HOXD3: variants seen among roughly 807,000 people sequenced by gnomAD.
HOXD3 encodes the protein homeobox D3, also known as homeobox protein Hox-D3.
Under a neutral mutation model 32.8 loss-of-function variants are expected in HOXD3, and 13 were observed. That is an observed-to-expected ratio of 0.40 (90% CI 0.26 to 0.63). The LOEUF (loss-of-function observed/expected upper bound fraction) is 0.63, where lower values mean the gene tolerates loss of function less well. Among genes scored for constraint, HOXD3 ranks in the 20% least tolerant of loss-of-function variants. The pLI, the probability that HOXD3 is intolerant of heterozygous loss-of-function variation, is 0.44. For missense variants in HOXD3, 504 were observed against 577.1 expected (o/e 0.87, Z 1.30); for synonymous variants, 241 against 246.8 (o/e 0.98, Z 0.22).
At chr2:176,164,883 A>G (rs1690913492) in intron 2 of HOXD3, 1 of 152,194 alleles carries the variant, frequency 6.6e-6, no homozygotes, top group Admixed American at 6.5e-5. Context: ...CCACCGGCGT[A>G]CAAGCAAGTG....
Position 176,169,044 on chromosome 2 carries a change from T to TG in HOXD3, c.-66dup. ...TTCTTCTGACAGGTCACCTGGAGCC[T>TG]GGGGGCCGGCCCAGCTCTCTCAGGA... On this transcript the variant is annotated 5_prime_UTR_variant, in exon 3 of 4. Transcript: ENST00000683222. 6.6e-7 allele frequency: 1 copy of TG among 1,521,750 alleles called. No homozygotes were observed. Among genetic ancestry groups the TG allele is most frequent in the South Asian group, 1.3e-5 (1 of 75,174 alleles). 94.3% of individuals were successfully genotyped at this position (1,521,750 alleles called of 1,614,324 possible). A position where few individuals can be genotyped will look rare whatever the true frequency, so the allele number is the denominator to read the frequency against.
Position 176,169,615 on chromosome 2 carries a change from T to C in HOXD3, c.501T>C (p.Ser167=). 4 of 1,610,528 alleles carry C rather than the reference T, an allele frequency of 2.5e-6. No individual in the cohort carries two copies. The highest frequency in any genetic ancestry group is 8.5e-7 in the Non-Finnish European group (1 of 1,178,006). ...SKQIFPWMKE[S]RQNSKQKNSC... Reference sequence around the variant, plus strand: ...AGATCTTCCCCTGGATGAAAGAGTCTCGACAGAACTCCAAGCAGAAGAACA... The same window carrying C: ...AGATCTTCCCCTGGATGAAAGAGTCCCGACAGAACTCCAAGCAGAAGAACA... The change falls in exon 3 of 4, where the codon TCT becomes TCC. Residue 167 remains serine, a synonymous_variant. Transcript: ENST00000683222.
chr2:176,157,663 T>G (rs889136442), intron 1 of HOXD3, among the ~76,000 whole-genome samples: 1 of 151,984 alleles, frequency 6.6e-6, no homozygotes, highest in Non-Finnish European at 1.5e-5. Flanking sequence ...TGTGTGTGCG[T>G]GCGTCCGCGC....
intron 1 of HOXD3, among the ~76,000 whole-genome samples, chr2:176,158,261 A>C (rs1020069973): frequency 6.6e-6 from 1 of 152,144 alleles, no homozygotes; most frequent in African/African-American, 2.4e-5. Flanking sequence ...TGGGGAAAGG[A>C]GGATGGGGGA....
At chr2:176,163,100 G>T (rs978650546) in intron 1 of HOXD3, among the ~76,000 whole-genome samples, 1 of 152,184 alleles carries the variant, frequency 6.6e-6, no homozygotes, top group African/African-American at 2.4e-5. Context: ...GAAGTTAGGA[G>T]CCCTACCGGG....
At chr2:176,156,585 T>C (rs576879225), upstream of HOXD3, among the ~76,000 whole-genome samples, 1 of 152,210 alleles carries the variant, frequency 6.6e-6, no homozygotes, top group Admixed American at 6.5e-5. Flanking sequence ...GCCTCCACTC[T>C]TGGGCTTCTA....
At chr2:176,152,843 G>GTCCTCATCTTCC (rs758273278), upstream of HOXD3, 6 of 1,614,170 alleles carry the variant, frequency 3.7e-6, no homozygotes, top group South Asian at 6.6e-5. This position sits in a 1 kb window ranked among gnomAD's most constrained non-coding sequence, Gnocchi z 5.2. Context: ...GCAGGTCATC[G>GTCCTCATCTTCC]TCCTCATCTT....
intron 1 of HOXD3, among the ~76,000 whole-genome samples, chr2:176,158,315 C>T (rs1690693557): frequency 6.6e-6 from 1 of 152,304 alleles, no homozygotes; most frequent in African/African-American, 2.4e-5. Context: ...TGCTCGCTCC[C>T]GTTTCTGCCT....
intron 1 of HOXD3, among the ~76,000 whole-genome samples, chr2:176,159,359 G>C (rs754557269): frequency 3.9e-5 from 6 of 152,208 alleles, no homozygotes; most frequent in Non-Finnish European, 8.8e-5. Flanking sequence ...CGGGCCTCCA[G>C]GACATTCCTG....
In HOXD3 at chr2:176,167,686, CTTTTTTTTTTT is replaced by C. The variant is rs56761217; in HGVS notation, c.-84-1326_-84-1316del. ...TTTTGAAACCAGGTGGGGGGAGACC[CTTTTTTTTTTT>C]TTTTTTTTTTTTTTTTTTAAGTTCT... is the stretch of plus-strand genomic sequence containing the variant. On this transcript the variant is annotated intron_variant, in intron 2 of 3. Transcript: ENST00000683222. Among the ~76,000 whole-genome samples, 683 of 108,896 alleles carry C rather than the reference CTTTTTTTTTTT, an allele frequency of 6.3e-3. 5 individuals carry two copies. The highest frequency in any genetic ancestry group is 0.02 in the African/African-American group (560 of 28,642). 71.4% of individuals were successfully genotyped at this position (108,896 alleles called of 152,430 possible).
At chr2:176,159,493 C>G (rs558655269) in intron 1 of HOXD3, among the ~76,000 whole-genome samples, 24 of 152,322 alleles carry the variant, frequency 1.6e-4, no homozygotes, top group Non-Finnish European at 3.2e-4. Context: ...GTGCCTGATG[C>G]CGCTGAGCAG....
Position 176,171,773 on chromosome 2 carries a change from C to G in HOXD3, c.798C>G (p.Ser266=), listed in dbSNP as rs376325506. 3 of 1,613,852 alleles carry G rather than the reference C, an allele frequency of 1.9e-6. No individual in the cohort carries two copies. The highest frequency in any genetic ancestry group is 2.7e-5 in the African/African-American group (2 of 74,930). ...TCCTGCACTCGCCGGCTAGCCAGTC[C>G]CCTGAGCGCAGCCCACCGCTCGGCG... The part of the protein sequence containing the change: ...KGILHSPASQ[S]PERSPPLGGA... Residue 266 remains serine (S), a synonymous_variant, in exon 4 of 4, where the codon TCC becomes TCG. Coordinates refer to ENST00000683222, the MANE Select transcript of HOXD3 (RefSeq NM_006898.5).
rs1691097999 is a variant in HOXD3, at chr2:176,169,330, C to T, written c.216C>T (p.Ser72=). ...DYPGSACSIQ[S]SAPLRAPAHK... ...CAGGTTCTGCCTGCTCCATCCAGAG[C>T]TCTGCCCCTCTGAGAGCCCCAGCCC... Residue 72 remains serine, a synonymous_variant, in exon 3 of 4, where the codon AGC becomes AGT. Coordinates refer to ENST00000683222, the MANE Select transcript of HOXD3 (RefSeq NM_006898.5). 3 of 1,614,106 alleles carry T rather than the reference C, an allele frequency of 1.9e-6. No homozygotes were observed. In the East Asian group the frequency reaches 6.7e-5, roughly 36 times the overall value.
At position 176,169,295 on chromosome 2, in the gene HOXD3, A is replaced by C. The variant is rs1261111802; in HGVS notation, c.181A>C (p.Thr61Pro). 6.2e-7 allele frequency: 1 copy of C among 1,613,522 alleles called. No homozygotes were observed. Among genetic ancestry groups the C allele is most frequent in the East Asian group, 2.2e-5 (1 of 44,834 alleles). Reference protein sequence around the residue: ...PPPAAASSLDTDYPGSACSIQ... With the variant: ...PPPAAASSLDPDYPGSACSIQ... ...CCCTGCTGCTGCCAGCTCCCTGGAC[A>C]CTGACTATCCAGGTTCTGCCTGCTC... Residue 61 changes from threonine (T) to proline (P), a missense_variant, in exon 3 of 4, where the codon ACT becomes CCT. Around this residue, in one of 3 missense-constraint regions of HOXD3, gnomAD observed 181 missense variants for 172.2 expected, o/e 1.05. Coordinates refer to ENST00000683222, the MANE Select transcript of HOXD3 (RefSeq NM_006898.5).
chr2:176,155,912 ACTGT>A (rs1208322633), upstream of HOXD3, among the ~76,000 whole-genome samples: 3 of 152,148 alleles, frequency 2.0e-5, no homozygotes, highest in East Asian at 1.9e-4. Flanking sequence ...GGGAGATGAC[ACTGT>A]CAGTCAGCCC....
Position 176,169,337 on chromosome 2 carries a change from C to A in HOXD3, c.223C>A (p.Pro75Thr). The A allele has an allele frequency of 6.2e-7, 1 of 1,614,062 alleles. No homozygotes were observed. The highest frequency in any genetic ancestry group is 8.5e-7 in the Non-Finnish European group (1 of 1,180,000). ...TGCCTGCTCCATCCAGAGCTCTGCC[C>A]CTCTGAGAGCCCCAGCCCACAAAGG... ...GSACSIQSSA[P>T]LRAPAHKGAE... Residue 75 changes from proline (P) to threonine (T), a missense_variant, in exon 3 of 4, where the codon CCT (proline) becomes ACT (threonine). By Grantham distance (38) the Pro-to-Thr change is conservative (BLOSUM62 -1). This residue lies in a region of HOXD3 where 181 missense variants were observed against 172.2 expected (regional missense o/e 1.05). Transcript: ENST00000683222.
upstream of HOXD3, chr2:176,152,988 C>T: frequency 6.3e-7 from 1 of 1,584,558 alleles, no homozygotes; most frequent in Non-Finnish European, 8.7e-7. The surrounding 1 kb of genome is among the most constrained non-coding windows in gnomAD (Gnocchi z 5.2). Context: ...CAGGCTGAGC[C>T]GAAGCTGCGG....
chr2:176,171,413 T>TG (rs1691175045), intron 3 of HOXD3, 104 bp from the exon 4 acceptor site: 2 of 1,055,134 alleles, frequency 1.9e-6, no homozygotes, highest in Non-Finnish European at 2.7e-6. Context: ...GGATTGGAGG[T>TG]GGGGGGAGGG....
At chr2:176,156,957 T>G (rs909002210), upstream of HOXD3, among the ~76,000 whole-genome samples, 1 of 152,188 alleles carries the variant, frequency 6.6e-6, no homozygotes, top group Non-Finnish European at 1.5e-5. Flanking sequence ...GCCCGTCTTC[T>G]GCTTAATGGC....
Sources: gnomAD v4.1 joint callset for allele counts (sites outside exome capture counted in the v4.1 genomes callset) on GRCh38, gnomAD v4.1.1 for gene constraint, gnomAD v4.1.1 regional missense constraint, Gnocchi (gnomAD v3.1) non-coding constraint, MANE v1.5 for transcripts, NCBI Gene and HGNC (gene_info 2026-07-23, HGNC 2026-07-21) for gene names.